Variants in TNS1 observed in about 807,000 individuals in gnomAD.
The protein encoded by TNS1 is tensin-1.
In TNS1, 62 loss-of-function variants were observed where a neutral mutation model predicts 168.6. The ratio of observed to expected loss-of-function variants is 0.37; its 90% confidence interval spans 0.30 to 0.45. The LOEUF (loss-of-function observed/expected upper bound fraction) is 0.45, where lower values mean the gene tolerates loss of function less well. Among genes scored for constraint, TNS1 ranks in the 20% least tolerant of loss-of-function variants. TNS1 has a pLI of 1.00. For missense variants in TNS1, 2,240 were observed against 2,339.4 expected (o/e 0.96, Z 0.88); for synonymous variants, 934 against 933.2 (o/e 1.00, Z -0.02).
chr2:218,005,000 T>A (rs1177602266), upstream of TNS1, among the ~76,000 whole-genome samples: 4 of 151,890 alleles, frequency 2.6e-5, no homozygotes, highest in African/African-American at 9.7e-5. Flanking sequence ...CAAAGGGGAG[T>A]GGTCTTCAGG....
intron 18 of TNS1, among the ~76,000 whole-genome samples, chr2:217,864,514 G>T (rs1228371058): frequency 6.6e-6 from 1 of 152,194 alleles, no homozygotes; most frequent in East Asian, 1.9e-4. Flanking sequence ...AAAGGAAGGA[G>T]AAACAAGAAA....
intron 3 of TNS1, among the ~76,000 whole-genome samples, chr2:217,950,241 C>G (rs1957207606): frequency 6.6e-6 from 1 of 152,210 alleles, no homozygotes; most frequent in Non-Finnish European, 1.5e-5. Flanking sequence ...CAAGCACCAT[C>G]AGCACCTTGA....
Position 217,812,442 on chromosome 2 carries a change from G to C in TNS1, c.4958C>G (p.Ser1653Trp). The stretch of plus-strand genomic sequence containing the variant: ...GTGCTGGTAGACCAGGGCAGACAGC[G>C]ATCCTGTAGGGAGGCAGACGGCATG... ...KGCPNEPNFG[S>W]LSALVYQHSI... Residue 1653 changes from serine to tryptophan, a missense_variant, in exon 28 of 33, where the codon TCG becomes TGG. Physicochemically the swap from Ser to Trp is radical, Grantham distance 177. Transcript: ENST00000682258. The C allele has an allele frequency of 1.2e-6, 2 of 1,614,020 alleles. No homozygotes were observed. Among genetic ancestry groups the C allele is most frequent in the Non-Finnish European group, 1.7e-6 (2 of 1,179,976 alleles).
At chr2:218,010,610 AG>A (rs1958697620), upstream of TNS1, among the ~76,000 whole-genome samples, 1 of 150,538 alleles carries the variant, frequency 6.6e-6, no homozygotes, top group Non-Finnish European at 1.5e-5. Context: ...GGGAGGCGGG[AG>A]GGGAGCCGGC....
chr2:217,810,360 G>C (rs1186883575), intron 28 of TNS1, 41 bp from the exon 29 acceptor site: 11 of 1,603,296 alleles, frequency 6.9e-6, no homozygotes, highest in Non-Finnish European at 9.4e-6. Flanking sequence ...CCTAGAGCTG[G>C]AAAGAAGCAC....
intron 23 of TNS1, among the ~76,000 whole-genome samples, chr2:217,820,610 G>A (rs76857989): frequency 9.4e-4 from 143 of 152,262 alleles, no homozygotes; most frequent in African/African-American, 3.3e-3. Flanking sequence ...CAGTGGGCAC[G>A]GCGAAGAAGG....
intron 31 of TNS1, 76 bp from the exon 32 acceptor site, chr2:217,808,183 C>G (rs1939567702): frequency 1.3e-6 from 2 of 1,548,308 alleles, no homozygotes; most frequent in Non-Finnish European, 1.8e-6. Flanking sequence ...TGCCCAGACC[C>G]TCTGCAGGAA....
Position 217,847,633 on chromosome 2 carries a change from C to T in TNS1, c.2884G>A (p.Ala962Thr). The change falls in exon 19 of 33, where the codon GCC (alanine) becomes ACC (threonine). Residue 962 changes from alanine to threonine, a missense_variant. Physicochemically the swap from Ala to Thr is moderately conservative, Grantham distance 58. Transcript: ENST00000682258. ...HSPPGPQQPP[A>T]SLPGLTAQPL... ...TGAGCAGTGAGGCCAGGGAGAGAGG[C>T]TGGGGGTTGCTGAGGCCCTGGAGGG... 6.3e-7 allele frequency: 1 copy of T among 1,582,726 alleles called. No homozygotes were observed. Among genetic ancestry groups the T allele is most frequent in the Non-Finnish European group, 8.6e-7 (1 of 1,156,700 alleles).
chr2:217,863,629 T>TA (rs1256143284), intron 18 of TNS1, among the ~76,000 whole-genome samples: 2 of 152,122 alleles, frequency 1.3e-5, no homozygotes, highest in African/African-American at 2.4e-5. Flanking sequence ...CTTCACTGCT[T>TA]AAACTTGGGC....
chr2:217,859,352 T>C (rs1360860897), intron 18 of TNS1: 1 of 410,208 alleles, frequency 2.4e-6, no homozygotes, highest in Non-Finnish European at 4.3e-6. Context: ...AAATCTTTTT[T>C]TCCCTCTCTC....
In TNS1 at chr2:217,909,538, T is replaced by G. The variant is rs1266271410; in HGVS notation, c.229-2287A>C. Among the ~76,000 whole-genome samples the G allele has an allele frequency of 2.0e-5, 3 of 150,578 alleles. No individual in the cohort carries two copies. In the East Asian group the frequency reaches 5.9e-4, roughly 30 times the overall value. ...AAACTTGAACATGCATAGCACCACC[T>G]AGAGGGCTGTTGACCCACAGGTGCC... On this transcript the variant is annotated intron_variant, in intron 4 of 32. Transcript: ENST00000682258.
intron 9 of TNS1, among the ~76,000 whole-genome samples, chr2:217,894,580 C>T (rs1474849199): frequency 1.3e-5 from 2 of 152,122 alleles, no homozygotes; most frequent in Non-Finnish European, 2.9e-5. Context: ...TCACTTGAAC[C>T]CAGGAAGTGG....
chr2:217,864,773 T>C (rs1559263406), intron 18 of TNS1, among the ~76,000 whole-genome samples: 2 of 152,228 alleles, frequency 1.3e-5, no homozygotes, highest in Non-Finnish European at 2.9e-5. Context: ...AATGAAACCA[T>C]CTCTGCAAGT....
At chr2:217,936,773 T>G (rs955710298) in intron 3 of TNS1, among the ~76,000 whole-genome samples, 16 of 152,206 alleles carry the variant, frequency 1.1e-4, no homozygotes, top group African/African-American at 3.6e-4. Context: ...TTCCCACACA[T>G]GCCATTTTAA....
At chr2:217,850,522 C>A in intron 18 of TNS1, 1 of 984,836 alleles carries the variant, frequency 1.0e-6, no homozygotes, top group Non-Finnish European at 1.2e-6. Context: ...CTTCCCCGCC[C>A]AGAGGAACTC....
intron 18 of TNS1, among the ~76,000 whole-genome samples, chr2:217,871,377 C>G (rs1187141577): frequency 6.6e-6 from 1 of 152,166 alleles, no homozygotes; most frequent in Non-Finnish European, 1.5e-5. Context: ...CATTTCCCAA[C>G]AAAAATCAGT....
chr2:217,979,579 G>A (rs1957988916), intron 2 of TNS1, among the ~76,000 whole-genome samples: 2 of 151,796 alleles, frequency 1.3e-5, no homozygotes, highest in South Asian at 2.1e-4. Context: ...CCCATTACCA[G>A]AAGCTGGAAT....
chr2:217,986,240 T>C lies in TNS1; in HGVS notation c.148+4702A>G, dbSNP rs1389859765. Among the ~76,000 whole-genome samples, 1 of 152,126 alleles carries C rather than the reference T, an allele frequency of 6.6e-6. No homozygotes were observed. The highest frequency in any genetic ancestry group is 1.5e-5 in the Non-Finnish European group (1 of 68,002). On this transcript the variant is annotated intron_variant, in intron 2 of 32. Transcript: ENST00000682258. This position sits in a 1 kb window ranked among gnomAD's most constrained non-coding sequence, Gnocchi z 4.7. ...GCAGAAGCTAGGTTCCCCAGTGAAG[T>C]AACAGGGGGAAAGAGTTCCTAGAAA...
chr2:217,829,708 G>T (rs1409653261), intron 22 of TNS1: 7 of 964,160 alleles, frequency 7.3e-6, no homozygotes, highest in Non-Finnish European at 1.1e-5. Context: ...AGCGTTGGGG[G>T]ACAGGAAGGC....
Sources: allele counts gnomAD v4.1 joint callset (sites outside exome capture counted in the v4.1 genomes callset), GRCh38; gene constraint gnomAD v4.1.1; non-coding constraint Gnocchi (gnomAD v3.1); transcripts MANE v1.5; gene names NCBI Gene and HGNC (gene_info 2026-07-23, HGNC 2026-07-21).